COL11A1: variants seen among roughly 807,000 people sequenced by gnomAD.
COL11A1 encodes the protein collagen alpha-1(XI) chain.
A neutral mutation model predicts 265.2 loss-of-function variants in COL11A1; 74 were observed. The ratio of observed to expected loss-of-function variants is 0.28; its 90% confidence interval spans 0.23 to 0.34. COL11A1 has a LOEUF of 0.34. COL11A1 is among the 10% of genes least tolerant of loss of function. The pLI, the probability that COL11A1 is intolerant of heterozygous loss-of-function variation, is 1.00. For synonymous variants in COL11A1, 816 were observed against 727.6 expected (o/e 1.12, Z -1.96); for missense variants, 2,165 against 2,263.6 (o/e 0.96, Z 0.88).
At chr1:102,950,944 C>T (rs1659815551) in intron 41 of COL11A1, among the ~76,000 whole-genome samples, 1 of 152,152 alleles carries the variant, frequency 6.6e-6, no homozygotes, top group East Asian at 1.9e-4. Flanking sequence ...GGCTCTTCCC[C>T]CTTTGCTAGG....
intron 37 of COL11A1, among the ~76,000 whole-genome samples, chr1:102,968,079 C>A (rs1047168807): frequency 6.6e-6 from 1 of 152,154 alleles, no homozygotes; most frequent in South Asian, 2.1e-4. Context: ...TACATTTGAT[C>A]TTGGGGATCT....
intron 28 of COL11A1, among the ~76,000 whole-genome samples, chr1:102,991,432 C>T (rs1210944196): frequency 8.7e-6 from 1 of 114,656 alleles, no homozygotes; most frequent in Non-Finnish European, 2.1e-5. Context: ...TAAGGCACCT[C>T]CCTTCACCAC....
Position 103,081,197 on chromosome 1 carries a change from T to C in COL11A1, c.274+1608A>G, listed in dbSNP as rs185438779. On this transcript the variant is annotated intron_variant, in intron 2 of 66. Coordinates refer to ENST00000370096, the MANE Select transcript of COL11A1 (RefSeq NM_001854.4). Reference sequence around the variant, plus strand: ...AAAATTAGTTATATAAAATTAATGATTTTAAGTAACTACCACATTGGAATG... The same window carrying C: ...AAAATTAGTTATATAAAATTAATGACTTTAAGTAACTACCACATTGGAATG... Among the ~76,000 whole-genome samples the C allele has an allele frequency of 6.7e-3, 1,020 of 151,988 alleles. 9 individuals carry two copies. The highest frequency in any genetic ancestry group is 0.024 in the Middle Eastern group (7 of 294).
At chr1:103,051,584 T>C (rs12121641) in intron 4 of COL11A1, among the ~76,000 whole-genome samples, 33,095 of 152,076 alleles carry the variant, frequency 0.22, 3,838 homozygotes, top group African/African-American at 0.27. Flanking sequence ...TGCTTCGGCT[T>C]ATGCATGGTG....
intron 41 of COL11A1, among the ~76,000 whole-genome samples, chr1:102,959,423 T>C (rs919355204): frequency 1.2e-4 from 2 of 16,698 alleles, no homozygotes; most frequent in Non-Finnish European, 4.2e-4. Context: ...AACGATTTTG[T>C]AATCTGCACT....
chr1:102,954,617 G>T (rs1482499237), intron 41 of COL11A1, among the ~76,000 whole-genome samples: 2 of 152,164 alleles, frequency 1.3e-5, no homozygotes, highest in Admixed American at 6.5e-5. Flanking sequence ...GGCCGAAGCG[G>T]GTGGATCACC....
chr1:103,047,533 A>G (rs1393227893), intron 4 of COL11A1, among the ~76,000 whole-genome samples: 1 of 152,172 alleles, frequency 6.6e-6, no homozygotes, highest in African/African-American at 2.4e-5. Flanking sequence ...TGGATATACA[A>G]TCATGTCATC....
At chr1:102,924,037 G>A (rs1455175918) in intron 46 of COL11A1, among the ~76,000 whole-genome samples, 22 of 141,906 alleles carry the variant, frequency 1.6e-4, no homozygotes, top group South Asian at 1.3e-3. Flanking sequence ...GTGAAACCCC[G>A]TCTCAACTAA....
rs897045798 is a variant in COL11A1, at chr1:103,030,963, T to A, written c.780+153A>T. 5 of 958,430 alleles carry A rather than the reference T, an allele frequency of 5.2e-6. No individual in the cohort carries two copies. In the African/African-American group the frequency reaches 8.2e-5, roughly 16 times the overall value. 59.4% of individuals were successfully genotyped at this position (958,430 alleles called of 1,614,324 possible). On this transcript the variant is annotated intron_variant, in intron 5 of 66. Transcript: ENST00000370096. ...AGCAAGAAAACAAGTACCAAATATATTCAAGTCACTTTTTCCTGGAAATAT... is the reference window on the plus strand; with the variant it reads ...AGCAAGAAAACAAGTACCAAATATAATCAAGTCACTTTTTCCTGGAAATAT...
At chr1:103,056,711 A>T (rs1670277453) in intron 4 of COL11A1, among the ~76,000 whole-genome samples, 1 of 152,208 alleles carries the variant, frequency 6.6e-6, no homozygotes, top group Non-Finnish European at 1.5e-5. Context: ...GCATAACTTG[A>T]AGATATCGCA....
chr1:103,074,790 A>G lies in COL11A1; in HGVS notation c.489-10T>C. 4 of 1,612,952 alleles carry G rather than the reference A, an allele frequency of 2.5e-6. No homozygotes were observed. Among genetic ancestry groups the G allele is most frequent in the Non-Finnish European group, 3.4e-6 (4 of 1,179,392 alleles). The stretch of plus-strand genomic sequence containing the variant: ...TGCTACCCGATGCCACCTAAAAAAG[A>G]CAAGTAATTCTTTTGTAAGCTTCAA... On this transcript the variant is annotated splice_polypyrimidine_tract_variant and intron_variant, in intron 3 of 66. Coordinates refer to ENST00000370096, the MANE Select transcript of COL11A1 (RefSeq NM_001854.4).
At chr1:103,026,813 G>A (rs1472366802) in intron 5 of COL11A1, among the ~76,000 whole-genome samples, 1 of 151,956 alleles carries the variant, frequency 6.6e-6, no homozygotes, top group Non-Finnish European at 1.5e-5. Flanking sequence ...CATATCTATT[G>A]AGAGACGGGA....
At chr1:102,928,034 T>C (rs1332835516) in intron 46 of COL11A1, among the ~76,000 whole-genome samples, 5 of 152,108 alleles carry the variant, frequency 3.3e-5, no homozygotes, top group African/African-American at 4.8e-5. Context: ...GTTCCTCCTA[T>C]TGCTATCAAT....
chr1:102,955,519 A>G (rs1660288232), intron 41 of COL11A1, among the ~76,000 whole-genome samples: 1 of 152,170 alleles, frequency 6.6e-6, no homozygotes, highest in African/African-American at 2.4e-5. Context: ...GGGATAAAAT[A>G]TACATGTGAT....
At chr1:103,034,391 T>C (rs966711573) in intron 4 of COL11A1, among the ~76,000 whole-genome samples, 1 of 152,086 alleles carries the variant, frequency 6.6e-6, no homozygotes, top group Non-Finnish European at 1.5e-5. Context: ...TTTTCCCCCT[T>C]ATTCTCATTG....
chr1:103,006,079 G>T lies in COL11A1; in HGVS notation c.1780C>A (p.Pro594Thr). The change falls in exon 17 of 67, where the codon CCT becomes ACT. Residue 594 changes from proline (P) to threonine (T), a missense_variant. By Grantham distance (38) the Pro-to-Thr change is conservative. Coordinates refer to ENST00000370096, the MANE Select transcript of COL11A1 (RefSeq NM_001854.4). The stretch of plus-strand genomic sequence containing the variant: ...TGTGAGCTCCTGACCTTTGCCCCAG[G>T]TTCTCCTGGCATTCCTCTTCCTCCA... ...ADGGRGMPGEPGAKGDRGFDG... is the reference protein window; with the variant it reads ...ADGGRGMPGETGAKGDRGFDG... 1 of 1,613,928 alleles carries T rather than the reference G, an allele frequency of 6.2e-7. No individual in the cohort carries two copies. Among genetic ancestry groups the T allele is most frequent in the Non-Finnish European group, 8.5e-7 (1 of 1,179,976 alleles).
At chr1:102,910,314 T>C (rs187812200) in intron 54 of COL11A1, among the ~76,000 whole-genome samples, 1 of 152,200 alleles carries the variant, frequency 6.6e-6, no homozygotes, top group East Asian at 1.9e-4. Flanking sequence ...TCTGTTACCA[T>C]GTTAAGATAC....
rs757389797 is a variant in COL11A1 at position 103,082,959 on chromosome 1, A to G, written c.120T>C (p.Asp40=). The part of the protein sequence containing the change: ...AREVRGAAPV[D]VLKALDFHNS... ...TGTGAAAATCTAGTGCTTTTAGTAC[A>G]TCAACTGGAGCAGCTGAAAAATAAG... is the stretch of plus-strand genomic sequence containing the variant. Residue 40 remains aspartate, a synonymous_variant, in exon 2 of 67, where the codon GAT becomes GAC. Transcript: ENST00000370096. 4.3e-6 allele frequency: 7 copies of G among 1,613,108 alleles called. No individual in the cohort carries two copies. The East Asian group carries it at 8.9e-5, about 21-fold the overall frequency.
intron 38 of COL11A1, among the ~76,000 whole-genome samples, chr1:102,965,048 C>T (rs566703136): frequency 6.6e-6 from 1 of 152,038 alleles, no homozygotes; most frequent in Non-Finnish European, 1.5e-5. Context: ...TAAGAAACAC[C>T]TAATATGTTA....
Sources: allele counts gnomAD v4.1 joint callset (sites outside exome capture counted in the v4.1 genomes callset), GRCh38; gene constraint gnomAD v4.1.1; transcripts MANE v1.5; gene names NCBI Gene and HGNC (gene_info 2026-07-23, HGNC 2026-07-21).